The following LRP1B variants were observed in gnomAD, a reference collection of about 807,000 sequenced individuals.
The protein encoded by LRP1B is LDL receptor related protein 1B.
A neutral mutation model predicts 556.6 loss-of-function variants in LRP1B; 217 were observed. That is an observed-to-expected ratio of 0.39 (90% CI 0.35 to 0.44). The LOEUF is 0.44. Among genes scored for constraint, LRP1B ranks in the 20% least tolerant of loss-of-function variants. LRP1B has a pLI of 1.00. For synonymous variants in LRP1B, 2,047 were observed against 1,865.8 expected, an observed-to-expected ratio of 1.10 and a Z score of -2.50; for missense variants, 5,053 against 5,620.8, an observed-to-expected ratio of 0.90 and a Z score of 3.23.
chr2:141,045,455 A>G (rs1698842007), intron 11 of LRP1B, among the ~76,000 whole-genome samples: 1 of 152,020 alleles, frequency 6.6e-6, no homozygotes, highest in African/African-American at 2.4e-5. Flanking sequence ...TTAATTAAAA[A>G]AAAAAGAAAG....
chr2:141,753,574 GC>G (rs1287784370), intron 2 of LRP1B, among the ~76,000 whole-genome samples: 1 of 151,796 alleles, frequency 6.6e-6, no homozygotes, highest in African/African-American at 2.4e-5. Context: ...GAATGCTATA[GC>G]CTGGTAGCTT....
intron 18 of LRP1B, among the ~76,000 whole-genome samples, chr2:140,978,867 CTG>C: frequency 6.6e-6 from 1 of 152,204 alleles, no homozygotes. Flanking sequence ...TACCGATACT[CTG>C]TAAAATCTGG....
At chr2:141,575,375 T>C (rs529376788) in intron 2 of LRP1B, among the ~76,000 whole-genome samples, 2 of 152,302 alleles carry the variant, frequency 1.3e-5, no homozygotes, top group South Asian at 2.1e-4. Context: ...AACTCCTATT[T>C]AGTGAATGAT....
At chr2:141,334,603 G>A (rs1407752221) in intron 3 of LRP1B, among the ~76,000 whole-genome samples, 2 of 152,244 alleles carry the variant, frequency 1.3e-5, no homozygotes, top group African/African-American at 4.8e-5. Flanking sequence ...CCAGGCTGGA[G>A]TGTAGTGGCA....
At chr2:140,577,445 G>A (rs893068257) in intron 43 of LRP1B, among the ~76,000 whole-genome samples, 158 of 150,488 alleles carry the variant, frequency 1.0e-3, no homozygotes, top group African/African-American at 3.8e-3. Context: ...TTGAGACAAG[G>A]TTTCACTGTC....
rs552011742 is a variant in LRP1B, at chr2:140,511,548, G to A, written c.8270-1492C>T. 2.0e-5 allele frequency among the ~76,000 whole-genome samples: 3 copies of A among 152,046 alleles called. No individual in the cohort carries two copies. The South Asian group carries it at 6.2e-4, about 32-fold the overall frequency. The stretch of plus-strand genomic sequence containing the variant: ...AATATCCTGACCTCGTGATCCGCCC[G>A]CCTCGGTCTCCCAAAGTGCTGGGGT... On this transcript the variant is annotated intron_variant, in intron 51 of 90. Coordinates refer to ENST00000389484, the MANE Select transcript of LRP1B (RefSeq NM_018557.3).
intron 7 of LRP1B, among the ~76,000 whole-genome samples, chr2:141,172,138 T>C (rs1474896554): frequency 1.3e-5 from 2 of 152,106 alleles, no homozygotes; most frequent in South Asian, 2.1e-4. Context: ...AGATGCTCAA[T>C]GAAATAACTT....
intron 7 of LRP1B, among the ~76,000 whole-genome samples, chr2:141,085,044 T>C (rs560458493): frequency 6.7e-6 from 1 of 150,268 alleles, no homozygotes; most frequent in South Asian, 2.1e-4. Flanking sequence ...TTTTCAAACC[T>C]TAAATTCAAG....
At chr2:140,698,826 A>G (rs752986616) in intron 41 of LRP1B, among the ~76,000 whole-genome samples, 4 of 152,056 alleles carry the variant, frequency 2.6e-5, no homozygotes, top group Non-Finnish European at 5.9e-5. Context: ...TGAATAAATC[A>G]TTTACTCATG....
chr2:140,251,888 CAA>C (rs1379181347), intron 86 of LRP1B, among the ~76,000 whole-genome samples: 2 of 151,006 alleles, frequency 1.3e-5, no homozygotes, highest in Admixed American at 6.6e-5. Context: ...CAGAAAAACA[CAA>C]AGTTACTTGC....
intron 7 of LRP1B, among the ~76,000 whole-genome samples, chr2:141,073,244 T>A (rs1025585687): frequency 1.3e-5 from 2 of 152,074 alleles, no homozygotes; most frequent in Non-Finnish European, 2.9e-5. Flanking sequence ...ATTTTTTTTC[T>A]TACAGAAGTT....
intron 2 of LRP1B, among the ~76,000 whole-genome samples, chr2:141,595,472 C>T (rs1687482251): frequency 6.6e-6 from 1 of 152,140 alleles, no homozygotes. Flanking sequence ...AACACCTCAT[C>T]AGATTTTTTA....
At chr2:141,848,767 G>A (rs1697744063) in intron 1 of LRP1B, among the ~76,000 whole-genome samples, 1 of 151,186 alleles carries the variant, frequency 6.6e-6, no homozygotes. Flanking sequence ...ATGCAGGGAG[G>A]GCAATGTGAT....
intron 43 of LRP1B, among the ~76,000 whole-genome samples, chr2:140,552,361 C>A (rs1296348918): frequency 6.6e-6 from 1 of 152,010 alleles, no homozygotes; most frequent in Admixed American, 6.6e-5. Flanking sequence ...ATTATAACAA[C>A]CTTTTATTAA....
chr2:140,814,656 AG>A (rs1240290201), intron 31 of LRP1B, among the ~76,000 whole-genome samples: 1 of 152,180 alleles, frequency 6.6e-6, no homozygotes, highest in Non-Finnish European at 1.5e-5. Flanking sequence ...TCCCTCTTCA[AG>A]TAAATCCAAA....
At chr2:141,805,824 T>C (rs1386635254) in intron 2 of LRP1B, 3 of 152,138 alleles carry the variant, frequency 2.0e-5, no homozygotes, top group South Asian at 4.1e-4. Flanking sequence ...AAATATTTAC[T>C]ATCTGCTTTT....
At chr2:141,515,854 C>A (rs746303649) in intron 2 of LRP1B, among the ~76,000 whole-genome samples, 2 of 152,128 alleles carry the variant, frequency 1.3e-5, no homozygotes, top group Non-Finnish European at 1.5e-5. Flanking sequence ...GTGAACTGTA[C>A]TTAAGAATGT....
chr2:141,156,324 A>G (rs892460415), intron 7 of LRP1B, among the ~76,000 whole-genome samples: 1 of 152,042 alleles, frequency 6.6e-6, no homozygotes, highest in African/African-American at 2.4e-5. Context: ...CTGTCAATAC[A>G]TTCCCTCCCA....
intron 2 of LRP1B, among the ~76,000 whole-genome samples, chr2:141,756,583 A>ACACACACAC: frequency 1.4e-5 from 2 of 142,386 alleles, no homozygotes; most frequent in African/African-American, 2.6e-5. Flanking sequence ...ACACACACAC[A>ACACACACAC]ATCTTATGCC....
Sources: gnomAD v4.1 joint callset for allele counts (sites outside exome capture counted in the v4.1 genomes callset) on GRCh38, gnomAD v4.1.1 for gene constraint, MANE v1.5 for transcripts, NCBI Gene and HGNC (gene_info 2026-07-23, HGNC 2026-07-21) for gene names.